CPED1: variants seen among roughly 807,000 people sequenced by gnomAD.
The protein encoded by CPED1 is cadherin-like and PC-esterase domain-containing protein 1.
Under a neutral mutation model 128.2 loss-of-function variants are expected in CPED1, and 114 were observed. The ratio of observed to expected loss-of-function variants is 0.89; its 90% CI spans 0.76 to 1.04. The LOEUF (loss-of-function observed/expected upper bound fraction) is 1.04, where lower values mean the gene tolerates loss of function less well. Among genes scored for constraint, CPED1 ranks in the 50% least tolerant of loss-of-function variants. The probability of loss-of-function intolerance (pLI) is 0.00; values close to 1 mark genes in which losing one functional copy is unlikely to be tolerated. For synonymous variants in CPED1, 462 were observed against 426.7 expected (o/e 1.08, Z -1.02); for missense variants, 1,211 against 1,207.1 (o/e 1.00, Z -0.05).
At chr7:121,034,515 A>C (rs1231293805) in intron 3 of CPED1, among the ~76,000 whole-genome samples, 1 of 151,934 alleles carries the variant, frequency 6.6e-6, no homozygotes, top group Non-Finnish European at 1.5e-5. Context: ...CAAAGTGCTG[A>C]GATTACAGGT....
At chr7:121,212,455 G>A (rs1410747613) in intron 16 of CPED1, among the ~76,000 whole-genome samples, 1 of 152,152 alleles carries the variant, frequency 6.6e-6, no homozygotes, top group African/African-American at 2.4e-5. Context: ...TAGAAAGCCT[G>A]TCAGCCTCCT....
intron 18 of CPED1, among the ~76,000 whole-genome samples, chr7:121,249,667 G>C (rs549082536): frequency 1.2e-4 from 19 of 152,150 alleles, no homozygotes; most frequent in East Asian, 1.2e-3. Context: ...CATTACAAGA[G>C]GTCCTTAAGG....
intron 2 of CPED1, among the ~76,000 whole-genome samples, chr7:120,995,977 T>G (rs894766459): frequency 2.0e-4 from 30 of 151,912 alleles, no homozygotes; most frequent in African/African-American, 7.3e-4. Context: ...CTCCTTCTTC[T>G]TCTTCTTCTT....
intron 3 of CPED1, among the ~76,000 whole-genome samples, chr7:121,023,290 G>C (rs931716860): frequency 2.6e-5 from 4 of 152,102 alleles, no homozygotes; most frequent in African/African-American, 9.7e-5. Flanking sequence ...TGTTTAACAA[G>C]GTGCTTGAAT....
At chr7:121,151,537 G>A (rs1348328468) in intron 16 of CPED1, among the ~76,000 whole-genome samples, 1 of 152,148 alleles carries the variant, frequency 6.6e-6, no homozygotes, top group African/African-American at 2.4e-5. Flanking sequence ...TCAATGATCT[G>A]TATTAGCACA....
chr7:121,020,778 C>CT (rs755853893), intron 3 of CPED1, among the ~76,000 whole-genome samples: 137 of 152,070 alleles, frequency 9.0e-4, no homozygotes, highest in Non-Finnish European at 1.8e-3. Flanking sequence ...AGAAGTTTTA[C>CT]TCTCAGGAAG....
At chr7:121,187,719 C>A (rs1797036262) in intron 16 of CPED1, among the ~76,000 whole-genome samples, 1 of 152,054 alleles carries the variant, frequency 6.6e-6, no homozygotes, top group Admixed American at 6.6e-5. Context: ...AGTTGAGAAG[C>A]AAAACAAAGT....
intron 3 of CPED1, among the ~76,000 whole-genome samples, chr7:121,029,264 T>A (rs575017298): frequency 1.3e-5 from 2 of 152,300 alleles, no homozygotes; most frequent in Admixed American, 1.3e-4. Flanking sequence ...TTTCTAAAGC[T>A]CTTCATTTGT....
intron 2 of CPED1, among the ~76,000 whole-genome samples, chr7:121,014,635 T>C (rs1288422250): frequency 2.0e-5 from 3 of 151,988 alleles, no homozygotes; most frequent in African/African-American, 7.2e-5. Context: ...ATGAAGACAT[T>C]TAAGTGCTGA....
At chr7:121,056,052 G>T (rs1002685055) in intron 4 of CPED1, among the ~76,000 whole-genome samples, 1 of 152,010 alleles carries the variant, frequency 6.6e-6, no homozygotes, top group African/African-American at 2.4e-5. Flanking sequence ...AATAAATAAT[G>T]CATATGAAAC....
intron 3 of CPED1, among the ~76,000 whole-genome samples, chr7:121,021,452 C>T (rs149051896): frequency 2.1e-3 from 324 of 152,006 alleles, no homozygotes; most frequent in African/African-American, 7.1e-3. Context: ...GAAACATCCA[C>T]GACAGATCAA....
At chr7:121,221,453 A>T (rs1797874924) in intron 16 of CPED1, among the ~76,000 whole-genome samples, 3 of 152,206 alleles carry the variant, frequency 2.0e-5, no homozygotes, top group Admixed American at 1.3e-4. Context: ...TAGTAGCATG[A>T]TTTATAATCC....
At chr7:121,076,734 G>T (rs773730897) in intron 5 of CPED1, 1 of 152,190 alleles carries the variant, frequency 6.6e-6, no homozygotes, top group Non-Finnish European at 1.5e-5. Flanking sequence ...CATCCTAATG[G>T]TTCTGTATTC....
intron 22 of CPED1, among the ~76,000 whole-genome samples, chr7:121,279,949 G>C (rs1016008345): frequency 6.6e-6 from 1 of 152,112 alleles, no homozygotes; most frequent in Non-Finnish European, 1.5e-5. Flanking sequence ...GAGCTCTTCT[G>C]ACATGAAACT....
intron 4 of CPED1, chr7:121,050,464 T>TTC (rs1275135022): frequency 2.7e-5 from 4 of 147,030 alleles, no homozygotes; most frequent in Admixed American, 2.1e-4. Context: ...ATATAGGTTT[T>TTC]TTTTTTTTTT....
chr7:121,251,083 C>T (rs1271493340), intron 18 of CPED1, among the ~76,000 whole-genome samples: 2 of 151,960 alleles, frequency 1.3e-5, no homozygotes, highest in African/African-American at 2.4e-5. Context: ...ACTGGCAAAC[C>T]GAATCCAGCA....
rs542839370 is a variant in CPED1 at position 121,253,097 on chromosome 7, T to C, written c.2310+8759T>C. 6.3e-4 allele frequency among the ~76,000 whole-genome samples: 96 copies of C among 151,806 alleles called. 1 individual carries two copies. Among genetic ancestry groups the C allele is most frequent in the African/African-American group, 2.2e-3 (90 of 41,370 alleles). On this transcript the variant is annotated intron_variant, in intron 18 of 22. Transcript: ENST00000310396. ...ACAATGATAGACTGGATTAAGAAAATGTGGCACATATACACCATGGAATAT... is the reference window on the plus strand; with the variant it reads ...ACAATGATAGACTGGATTAAGAAAACGTGGCACATATACACCATGGAATAT...
chr7:121,142,258 G>A (rs999021095), intron 16 of CPED1, 117 bp downstream of exon 16: 8 of 941,210 alleles, frequency 8.5e-6, no homozygotes, highest in Non-Finnish European at 1.3e-5. Flanking sequence ...CGAAACTGTG[G>A]TCTCATTTCA....
Position 121,127,157 on chromosome 7 carries a change from T to G in CPED1, c.1202T>G (p.Phe401Cys), listed in dbSNP as rs764290566. 3.1e-6 allele frequency: 5 copies of G among 1,596,242 alleles called. No individual in the cohort carries two copies. In the Admixed American group the frequency reaches 8.4e-5, roughly 27 times the overall value. Residue 401 changes from phenylalanine (F) to cysteine (C), a missense_variant, in exon 10 of 23, where the codon TTC (phenylalanine) becomes TGC (cysteine). Coordinates refer to ENST00000310396, the MANE Select transcript of CPED1 (RefSeq NM_024913.5). ...TTTGAGGACCAAAATACAGAAGAAT[T>G]CCTTTTAAATGACACTTTCAATTTT... is the stretch of plus-strand genomic sequence containing the variant. ...MDFEDQNTEE[F>C]LLNDTFNFLF... is the part of the protein sequence containing the mutation.
Sources: gnomAD v4.1 joint callset for allele counts (sites outside exome capture counted in the v4.1 genomes callset) on GRCh38, gnomAD v4.1.1 for gene constraint, MANE v1.5 for transcripts, NCBI Gene and HGNC (gene_info 2026-07-23, HGNC 2026-07-21) for gene names.